Variants in ZNF627 observed in about 807,000 individuals in gnomAD.
The protein encoded by ZNF627 is zinc finger protein 627.
ZNF627 carries 12 observed loss-of-function variants against 10.6 expected under a neutral mutation model. The observed-to-expected ratio is 1.13, with a 90% CI of 0.73 to 1.84. The LOEUF (loss-of-function observed/expected upper bound fraction) is 1.84, where lower values mean the gene tolerates loss of function less well. ZNF627 is among the 40% of genes most tolerant of loss of function. The probability of loss-of-function intolerance (pLI) is 0.00; values close to 1 mark genes in which losing one functional copy is unlikely to be tolerated. For missense variants in ZNF627, 504 were observed against 568.4 expected, an observed-to-expected ratio of 0.89 and a Z score of 1.15; for synonymous variants, 176 against 187.1, an observed-to-expected ratio of 0.94 and a Z score of 0.48.
chr19:11,613,339 C>T (rs1308224567), intron 1 of ZNF627, among the ~76,000 whole-genome samples: 1 of 146,292 alleles, frequency 6.8e-6, no homozygotes, highest in African/African-American at 2.5e-5. Context: ...AGAGCAATTC[C>T]CTGAGCATAT....
chr19:11,609,471 TTATATATA>T (rs1168205815), intron 1 of ZNF627, among the ~76,000 whole-genome samples: 1,034 of 53,684 alleles, frequency 0.019, 21 homozygotes, highest in Non-Finnish European at 0.029. Flanking sequence ...TTAAAAAATT[TTATATATA>T]TATATATATA....
intron 1 of ZNF627, among the ~76,000 whole-genome samples, chr19:11,612,118 C>T (rs1599661134): frequency 1.2e-4 from 11 of 91,706 alleles, no homozygotes; most frequent in South Asian, 4.5e-4. Flanking sequence ...GGTCCAACTG[C>T]TTTTTTTTTT....
At chr19:11,605,389 T>C (rs1005282405) in intron 1 of ZNF627, among the ~76,000 whole-genome samples, 1 of 152,128 alleles carries the variant, frequency 6.6e-6, no homozygotes, top group African/African-American at 2.4e-5. Flanking sequence ...GTTTTCATGC[T>C]GCTAATAAAG....
In ZNF627 at chr19:11,616,921, A is replaced by G; in HGVS notation, c.418A>G (p.Thr140Ala). ...TCAGGAATATGGAAAGAAGTCATAT[A>G]CACGTAACCAGTGTGGACGAGCCTT... is the stretch of plus-strand genomic sequence containing the variant. ...EYQEYGKKSY[T>A]RNQCGRALSY... Residue 140 changes from threonine (T) to alanine (A), a missense_variant, in exon 4 of 4, where the codon ACA becomes GCA. Physicochemically the swap from Thr to Ala is moderately conservative, Grantham distance 58. Transcript: ENST00000361113. 1.2e-6 allele frequency: 2 copies of G among 1,614,176 alleles called. No homozygotes were observed. Among genetic ancestry groups the G allele is most frequent in the Non-Finnish European group, 1.7e-6 (2 of 1,180,038 alleles).
At chr19:11,609,742 A>C (rs563428877) in intron 1 of ZNF627, among the ~76,000 whole-genome samples, 1 of 151,168 alleles carries the variant, frequency 6.6e-6, no homozygotes, top group South Asian at 2.1e-4. Context: ...CTGGCCTCTA[A>C]CTCCTGACCT....
intron 1 of ZNF627, among the ~76,000 whole-genome samples, chr19:11,602,784 T>A (rs879757687): frequency 6.6e-6 from 1 of 152,148 alleles, no homozygotes; most frequent in Non-Finnish European, 1.5e-5. Flanking sequence ...ACACTAGAGA[T>A]CAGAACCTTC....
At chr19:11,605,080 CTT>C (rs1006143184) in intron 1 of ZNF627, among the ~76,000 whole-genome samples, 2 of 105,928 alleles carry the variant, frequency 1.9e-5, no homozygotes, top group African/African-American at 3.7e-5. Flanking sequence ...TTCTTTCTTT[CTT>C]TTTTTTTTTT....
At chr19:11,603,284 C>CT (rs34132887) in intron 1 of ZNF627, among the ~76,000 whole-genome samples, 2,423 of 119,928 alleles carry the variant, frequency 0.02, 126 homozygotes, top group African/African-American at 0.051. Context: ...TATTCTTAGC[C>CT]TTTTTTTTTT....
At position 11,618,143 on chromosome 19, in the gene ZNF627, C is replaced by T; in HGVS notation, c.*254C>T. 1 of 415,614 alleles carries T rather than the reference C, an allele frequency of 2.4e-6. No homozygotes were observed. Among genetic ancestry groups the T allele is most frequent in the Non-Finnish European group, 4.2e-6 (1 of 236,526 alleles). The allele number at this position is 415,614 out of a possible 1,614,324, so 25.7% of individuals were successfully genotyped here. ...CCCAGAATCCATTCCATTTGTGATT[C>T]CATGATACAATTCACCAGTAACCTA... On this transcript the variant is annotated 3_prime_UTR_variant, in exon 4 of 4. Coordinates refer to ENST00000361113, the MANE Select transcript of ZNF627 (RefSeq NM_145295.4).
chr19:11,598,760 T>C (rs1016750854), intron 1 of ZNF627, among the ~76,000 whole-genome samples: 2 of 152,222 alleles, frequency 1.3e-5, no homozygotes, highest in East Asian at 1.9e-4. Flanking sequence ...TTTAAAAATA[T>C]TTGCTTTCTG....
At chr19:11,600,417 G>T (rs548662778) in intron 1 of ZNF627, among the ~76,000 whole-genome samples, 1 of 152,112 alleles carries the variant, frequency 6.6e-6, no homozygotes, top group South Asian at 2.1e-4. Flanking sequence ...TGCAGCCTGG[G>T]CAACAGAGCA....
intron 1 of ZNF627, among the ~76,000 whole-genome samples, chr19:11,610,844 T>C (rs1473725028): frequency 6.6e-6 from 1 of 152,196 alleles, no homozygotes; most frequent in Admixed American, 6.6e-5. Context: ...CACTGAACTC[T>C]TTGTTGAAAT....
At chr19:11,616,263 C>T (rs966882022) in intron 3 of ZNF627, among the ~76,000 whole-genome samples, 3 of 152,062 alleles carry the variant, frequency 2.0e-5, no homozygotes, top group African/African-American at 7.2e-5. Context: ...TCAAGCTGGT[C>T]TTAAACTCCT....
intron 1 of ZNF627, among the ~76,000 whole-genome samples, chr19:11,602,816 C>A (rs1053620888): frequency 2.0e-5 from 3 of 152,136 alleles, no homozygotes; most frequent in African/African-American, 7.2e-5. Context: ...GGTAAGTGTT[C>A]GCTGGTGAGA....
At chr19:11,614,013 C>T (rs1973823905) in intron 1 of ZNF627, among the ~76,000 whole-genome samples, 1 of 145,322 alleles carries the variant, frequency 6.9e-6, no homozygotes, top group Non-Finnish European at 1.5e-5. Flanking sequence ...GCTTCGCCTT[C>T]TGGGTTCACG....
chr19:11,603,366 T>C (rs1973620516), intron 1 of ZNF627, among the ~76,000 whole-genome samples: 2 of 142,758 alleles, frequency 1.4e-5, no homozygotes, highest in South Asian at 4.5e-4. Context: ...CACCGCAACC[T>C]CTGCCTCCGG....
intron 3 of ZNF627, 46 bp from the exon 4 acceptor site, chr19:11,616,649 T>C (rs1973872366): frequency 1.5e-6 from 2 of 1,291,650 alleles, no homozygotes; most frequent in Non-Finnish European, 2.1e-6. Context: ...TATAAAATCA[T>C]TTATAAACAA....
chr19:11,597,693 C>T, intron 1 of ZNF627, 63 bp downstream of exon 1: 3 of 1,326,022 alleles, frequency 2.3e-6, no homozygotes, highest in Admixed American at 6.2e-5. Flanking sequence ...CCGGCCGGAA[C>T]CGGCTGTGGA....
intron 1 of ZNF627, among the ~76,000 whole-genome samples, chr19:11,598,800 A>G (rs1471751464): frequency 6.6e-6 from 1 of 152,220 alleles, no homozygotes; most frequent in Non-Finnish European, 1.5e-5. Context: ...AGAGGAAAGC[A>G]GAGAATACAT....
Sources: gnomAD v4.1 joint callset for allele counts (sites outside exome capture counted in the v4.1 genomes callset) on GRCh38, gnomAD v4.1.1 for gene constraint, MANE v1.5 for transcripts, NCBI Gene and HGNC (gene_info 2026-07-23, HGNC 2026-07-21) for gene names.